ERI1: variants seen among roughly 807,000 people sequenced by gnomAD.
ERI1 encodes exoribonuclease 1, also known as 3'-5' exoribonuclease 1.
ERI1 carries 39 observed loss-of-function variants against 39.7 expected under a neutral mutation model. The observed-to-expected ratio is 0.98, with a 90% CI of 0.76 to 1.28. The LOEUF (loss-of-function observed/expected upper bound fraction) is 1.28, where lower values mean the gene tolerates loss of function less well. Among genes scored for constraint, ERI1 ranks in the 50% most tolerant of loss-of-function variants. ERI1 has a pLI of 0.00. For missense variants in ERI1, 581 were observed against 416.9 expected (o/e 1.39, Z -3.43); for synonymous variants, 204 against 149.6 (o/e 1.36, Z -2.65).
chr8:9,047,866 C>G (rs1034808643), intron 3 of ERI1, among the ~76,000 whole-genome samples: 1 of 152,226 alleles, frequency 6.6e-6, no homozygotes, highest in Non-Finnish European at 1.5e-5. Flanking sequence ...TGTTGGGGTG[C>G]ACGAGTGCAC....
chr8:9,071,638 C>T (rs767481705), intron 3 of ERI1, among the ~76,000 whole-genome samples: 9 of 152,200 alleles, frequency 5.9e-5, no homozygotes, highest in Non-Finnish European at 1.0e-4. Flanking sequence ...TACAGGGAAA[C>T]GGGAGAAGTC....
intron 3 of ERI1, among the ~76,000 whole-genome samples, chr8:9,069,650 A>C (rs996926591): frequency 6.6e-6 from 1 of 152,246 alleles, no homozygotes; most frequent in Non-Finnish European, 1.5e-5. Flanking sequence ...CTAAGTGACA[A>C]GATCATTCGT....
At chr8:9,084,489 C>T (rs1799465379) in intron 3 of ERI1, among the ~76,000 whole-genome samples, 1 of 152,150 alleles carries the variant, frequency 6.6e-6, no homozygotes, top group African/African-American at 2.4e-5. Flanking sequence ...TTCCCGATAT[C>T]AAATCCCCAA....
intron 3 of ERI1, among the ~76,000 whole-genome samples, chr8:9,039,983 A>G (rs1208954278): frequency 6.6e-6 from 1 of 152,192 alleles, no homozygotes; most frequent in Non-Finnish European, 1.5e-5. Flanking sequence ...TCCAAGTACA[A>G]TTAAAATATT....
intron 1 of ERI1, chr8:9,004,128 C>T: frequency 4.7e-6 from 6 of 1,289,324 alleles, no homozygotes; most frequent in Non-Finnish European, 6.1e-6. Flanking sequence ...CGTTAAGGAT[C>T]TCTGTATGTT....
Position 9,020,304 on chromosome 8 carries a change from G to A in ERI1, c.693-46G>A, listed in dbSNP as rs1341019878. 9 of 1,024,320 alleles carry A rather than the reference G, an allele frequency of 8.8e-6. No individual in the cohort carries two copies. In the East Asian group the frequency reaches 1.8e-4, roughly 21 times the overall value. 63.5% of individuals were successfully genotyped at this position (1,024,320 alleles called of 1,614,324 possible). A position where few individuals can be genotyped will look rare whatever the true frequency, so the allele number is the denominator to read the frequency against. ...TTTAAAATACTCATTTGTAAGAATAGCATAGCGTTTATTTCATCAATTTTT... is the reference window on the plus strand; with the variant it reads ...TTTAAAATACTCATTTGTAAGAATAACATAGCGTTTATTTCATCAATTTTT... On this transcript the variant is annotated intron_variant, in intron 5 of 6. Transcript: ENST00000250263.
At chr8:9,069,068 C>T (rs1336115585) in intron 3 of ERI1, among the ~76,000 whole-genome samples, 1 of 152,220 alleles carries the variant, frequency 6.6e-6, no homozygotes, top group Non-Finnish European at 1.5e-5. Context: ...GTCCTCCCAC[C>T]TCAGCCTCGC....
intron 3 of ERI1, among the ~76,000 whole-genome samples, chr8:9,077,593 G>A (rs1393084591): frequency 1.3e-5 from 2 of 152,186 alleles, no homozygotes; most frequent in Non-Finnish European, 2.9e-5. Flanking sequence ...TGTGAACAAA[G>A]GCTGCTTTAT....
intron 1 of ERI1, chr8:9,004,169 C>T: frequency 3.1e-6 from 4 of 1,288,838 alleles, no homozygotes; most frequent in Admixed American, 2.3e-5. Context: ...TCCTTTGGAT[C>T]CTTGCAATTA....
intron 1 of ERI1, among the ~76,000 whole-genome samples, chr8:9,006,253 G>A (rs1043483869): frequency 1.3e-5 from 2 of 152,148 alleles, no homozygotes; most frequent in African/African-American, 4.8e-5. Context: ...ATTGGACCTC[G>A]GCTGTCTCTA....
At chr8:9,013,768 CCTT>C (rs1332770990) in intron 3 of ERI1, among the ~76,000 whole-genome samples, 6 of 152,108 alleles carry the variant, frequency 3.9e-5, no homozygotes, top group Non-Finnish European at 7.3e-5. Context: ...TAATTAGAAT[CCTT>C]CTAATTGCTC....
chr8:9,039,389 C>T (rs1797949844), intron 3 of ERI1, among the ~76,000 whole-genome samples: 1 of 152,108 alleles, frequency 6.6e-6, no homozygotes. Flanking sequence ...TGAATCAAAT[C>T]AGACTGACTT....
chr8:9,070,228 C>G (rs190604146), intron 3 of ERI1, among the ~76,000 whole-genome samples: 1 of 150,472 alleles, frequency 6.6e-6, no homozygotes. Context: ...GAGAGTGAGA[C>G]GCTGTCTCAA....
intron 1 of ERI1, among the ~76,000 whole-genome samples, chr8:9,005,454 C>T (rs1001729220): frequency 9.9e-5 from 15 of 151,674 alleles, no homozygotes; most frequent in African/African-American, 3.4e-4. Context: ...TATAGAATAC[C>T]TGTCTTTTTG....
chr8:9,003,101 C>G lies in ERI1; in HGVS notation c.38C>G (p.Ala13Gly), dbSNP rs768829769. The G allele has an allele frequency of 8.0e-7, 1 of 1,247,366 alleles. No individual in the cohort carries two copies. Among genetic ancestry groups the G allele is most frequent in the South Asian group, 4.0e-5 (1 of 25,092 alleles). 77.3% of individuals were successfully genotyped at this position (1,247,366 alleles called of 1,614,324 possible). Residue 13 changes from alanine (A) to glycine (G), a missense_variant, in exon 1 of 7, where the codon GCC (alanine) becomes GGC (glycine). By Grantham distance (60) the Ala-to-Gly change is moderately conservative. Coordinates refer to ENST00000250263, the MANE Select transcript of ERI1 (RefSeq NM_153332.4). ...DPQSKEPAGE[A>G]VALALLESPR... ...CAGAGTAAAGAGCCTGCCGGCGAGG[C>G]CGTGGCTCTCGCGCTGCTGGAGTCG...
chr8:9,034,369 TA>T (rs1419120932), downstream of ERI1, among the ~76,000 whole-genome samples: 2 of 152,268 alleles, frequency 1.3e-5, no homozygotes, highest in African/African-American at 4.8e-5. Flanking sequence ...TTTTGTTTTT[TA>T]ACATACTGAA....
intron 3 of ERI1, among the ~76,000 whole-genome samples, chr8:9,013,490 C>T (rs562315429): frequency 4.6e-5 from 7 of 151,982 alleles, no homozygotes; most frequent in African/African-American, 1.7e-4. Flanking sequence ...CCAGCTTCCC[C>T]GTATCAGATG....
At chr8:9,028,973 G>GTTTTT (rs34569795) in intron 6 of ERI1, among the ~76,000 whole-genome samples, 12 of 113,090 alleles carry the variant, frequency 1.1e-4, no homozygotes, top group African/African-American at 4.0e-4. Context: ...GAGTGTGAGA[G>GTTTTT]TTTTTTTTTT....
At chr8:9,093,520 A>AG (rs1554443497) in intron 3 of ERI1, among the ~76,000 whole-genome samples, 3,654 of 149,138 alleles carry the variant, frequency 0.025, 146 homozygotes, top group South Asian at 0.099. Context: ...AAAAAAAAAA[A>AG]AAGAAGAAGA....
Sources: gnomAD v4.1 joint callset for allele counts (sites outside exome capture counted in the v4.1 genomes callset) on GRCh38, gnomAD v4.1.1 for gene constraint, MANE v1.5 for transcripts, NCBI Gene and HGNC (gene_info 2026-07-23, HGNC 2026-07-21) for gene names.